Variants in RUNDC3B observed in about 807,000 individuals in gnomAD.
RUNDC3B encodes the protein RUN domain containing 3B.
Under a neutral mutation model 58.4 loss-of-function variants are expected in RUNDC3B, and 33 were observed. That is an observed-to-expected ratio of 0.56 (90% confidence interval 0.43 to 0.75). RUNDC3B has a LOEUF of 0.75. Among genes scored for constraint, RUNDC3B ranks in the 30% least tolerant of loss-of-function variants. The pLI, the probability that RUNDC3B is intolerant of heterozygous loss-of-function variation, is 0.00. For synonymous variants in RUNDC3B, 193 were observed against 195.2 expected, an observed-to-expected ratio of 0.99 and a Z score of 0.10; for missense variants, 501 against 535.7, an observed-to-expected ratio of 0.94 and a Z score of 0.64.
intron 6 of RUNDC3B, among the ~76,000 whole-genome samples, chr7:87,765,082 C>T (rs773999525): frequency 5.3e-5 from 8 of 151,772 alleles, no homozygotes; most frequent in Non-Finnish European, 7.4e-5. Context: ...AGTTTGTGCA[C>T]ATAAAGAGGC....
At chr7:87,810,963 T>TA (rs1836682144) in intron 9 of RUNDC3B, among the ~76,000 whole-genome samples, 1 of 152,190 alleles carries the variant, frequency 6.6e-6, no homozygotes, top group Non-Finnish European at 1.5e-5. Flanking sequence ...AGGCTTACTG[T>TA]AAAAACCGAA....
intron 7 of RUNDC3B, among the ~76,000 whole-genome samples, chr7:87,776,456 C>T (rs1834633107): frequency 1.3e-5 from 2 of 151,858 alleles, no homozygotes; most frequent in Admixed American, 1.3e-4. Flanking sequence ...CCAAGCAAAA[C>T]TAAACAACGT....
At chr7:87,686,047 G>A (rs1164227479) in intron 2 of RUNDC3B, among the ~76,000 whole-genome samples, 3 of 152,044 alleles carry the variant, frequency 2.0e-5, no homozygotes, top group Admixed American at 1.3e-4. Context: ...TCTCTGCTTT[G>A]GAAATGAATC....
At chr7:87,764,874 T>C (rs1158413745) in intron 6 of RUNDC3B, among the ~76,000 whole-genome samples, 1 of 152,046 alleles carries the variant, frequency 6.6e-6, no homozygotes, top group Non-Finnish European at 1.5e-5. Flanking sequence ...AGGGAGAGTG[T>C]CTTTTTGATA....
chr7:87,684,023 A>G (rs947367045), intron 2 of RUNDC3B, among the ~76,000 whole-genome samples: 1 of 152,230 alleles, frequency 6.6e-6, no homozygotes, highest in Non-Finnish European at 1.5e-5. Flanking sequence ...TTATTAGCAG[A>G]CTAAAGAATA....
At chr7:87,660,914 TTGGTTTGTA>T (rs1824637273) in intron 2 of RUNDC3B, among the ~76,000 whole-genome samples, 1 of 151,990 alleles carries the variant, frequency 6.6e-6, no homozygotes, top group East Asian at 1.9e-4. Flanking sequence ...TAGTCAGAAT[TTGGTTTGTA>T]TGGTAGATTT....
At chr7:87,824,609 A>T (rs1342527315) in intron 10 of RUNDC3B, among the ~76,000 whole-genome samples, 1 of 152,220 alleles carries the variant, frequency 6.6e-6, no homozygotes, top group African/African-American at 2.4e-5. Flanking sequence ...CTGGGTTAAC[A>T]GGCAGAGGTT....
At chr7:87,751,360 C>T (rs186782790) in intron 6 of RUNDC3B, among the ~76,000 whole-genome samples, 7 of 152,060 alleles carry the variant, frequency 4.6e-5, no homozygotes, top group Admixed American at 3.3e-4. Context: ...CTTGGTGATG[C>T]GGGCTCTTTT....
intron 8 of RUNDC3B, among the ~76,000 whole-genome samples, chr7:87,791,807 A>G (rs1360872555): frequency 6.6e-6 from 1 of 152,104 alleles, no homozygotes; most frequent in African/African-American, 2.4e-5. Context: ...GGAAAGAAGA[A>G]AGAAAAGACC....
intron 3 of RUNDC3B, among the ~76,000 whole-genome samples, chr7:87,703,642 A>G (rs1585149131): frequency 6.6e-6 from 1 of 151,888 alleles, no homozygotes; most frequent in Admixed American, 6.6e-5. Context: ...AAATTTCTTC[A>G]TTTGTAAATT....
intron 4 of RUNDC3B, among the ~76,000 whole-genome samples, chr7:87,736,542 T>G (rs935380774): frequency 6.6e-6 from 1 of 151,750 alleles, no homozygotes; most frequent in Non-Finnish European, 1.5e-5. Context: ...TATAAATACT[T>G]GGAAACGGTG....
At chr7:87,709,139 A>G (rs1192028354) in intron 3 of RUNDC3B, 2 of 385,214 alleles carry the variant, frequency 5.2e-6, no homozygotes, top group African/African-American at 4.4e-5. Context: ...GATTCCATAC[A>G]CATTCAAATA....
chr7:87,666,642 A>G (rs1230381886), intron 2 of RUNDC3B, among the ~76,000 whole-genome samples: 1 of 152,046 alleles, frequency 6.6e-6, no homozygotes, highest in African/African-American at 2.4e-5. Context: ...TAGGTCTTTA[A>G]TCCATCTTGA....
chr7:87,766,428 A>C (rs1833981782), intron 6 of RUNDC3B, among the ~76,000 whole-genome samples: 1 of 151,926 alleles, frequency 6.6e-6, no homozygotes, highest in African/African-American at 2.4e-5. Context: ...TTCTTGTAGG[A>C]CTAGTCTAAT....
chr7:87,706,497 G>A (rs1156932794), intron 3 of RUNDC3B, among the ~76,000 whole-genome samples: 1 of 152,184 alleles, frequency 6.6e-6, no homozygotes, highest in Non-Finnish European at 1.5e-5. Flanking sequence ...GGGACCTACT[G>A]CTGAGAACAA....
intron 8 of RUNDC3B, among the ~76,000 whole-genome samples, chr7:87,790,276 C>T (rs1021325324): frequency 6.6e-6 from 1 of 152,186 alleles, no homozygotes; most frequent in African/African-American, 2.4e-5. Context: ...TCCAAGACCA[C>T]TAAGGCAGTA....
At chr7:87,726,453 A>C (rs549915041) in intron 4 of RUNDC3B, among the ~76,000 whole-genome samples, 1,569 of 152,072 alleles carry the variant, frequency 0.01, 12 homozygotes, top group South Asian at 0.033. Flanking sequence ...TGGTCTATAT[A>C]TCTGTTTTGG....
rs1822958751 is a variant in RUNDC3B, at chr7:87,645,940, G to T, written c.123-4882G>T. ...ATATGAATGATGAAGCAAAGCTGGAGAACATTATTTTTCTTCATTACTGAC... is the reference window on the plus strand; with the variant it reads ...ATATGAATGATGAAGCAAAGCTGGATAACATTATTTTTCTTCATTACTGAC... On this transcript the variant is annotated intron_variant, in intron 1 of 10. Coordinates refer to ENST00000394654, the MANE Select transcript of RUNDC3B (RefSeq NM_001134405.2). Among the ~76,000 whole-genome samples the T allele has an allele frequency of 1.3e-5, 2 of 152,144 alleles. 1 individual carries two copies. Among genetic ancestry groups the T allele is most frequent in the Admixed American group, 1.3e-4 (2 of 15,268 alleles).
chr7:87,827,864 G>C (rs985793078), intron 10 of RUNDC3B, among the ~76,000 whole-genome samples: 2 of 152,108 alleles, frequency 1.3e-5, no homozygotes, highest in Admixed American at 6.5e-5. Flanking sequence ...TCAGAAGTTA[G>C]CTCATAAAGA....
Sources: allele counts gnomAD v4.1 joint callset (sites outside exome capture counted in the v4.1 genomes callset), GRCh38; gene constraint gnomAD v4.1.1; transcripts MANE v1.5; gene names NCBI Gene and HGNC (gene_info 2026-07-23, HGNC 2026-07-21).